Variants in FHIT observed in about 807,000 individuals in gnomAD.
The protein encoded by FHIT is bis(5'-adenosyl)-triphosphatase.
A neutral mutation model predicts 17.9 loss-of-function variants in FHIT; 19 were observed. The ratio of observed to expected loss-of-function variants is 1.06; its 90% CI spans 0.74 to 1.56. FHIT has a LOEUF of 1.56. Among genes scored for constraint, FHIT ranks in the 40% most tolerant of loss-of-function variants. FHIT has a pLI of 0.00. For synonymous variants in FHIT, 81 were observed against 69.7 expected (o/e 1.16, Z -0.81); for missense variants, 248 against 189.2 (o/e 1.31, Z -1.82).
chr3:60,659,231 A>ACTGTGTC (rs2040186135), intron 4 of FHIT, among the ~76,000 whole-genome samples: 3 of 152,036 alleles, frequency 2.0e-5, no homozygotes, highest in South Asian at 4.1e-4. Context: ...GTTTGAGTAT[A>ACTGTGTC]CTGTGTCTTG....
At chr3:60,831,874 G>T (rs1011173002) in intron 3 of FHIT, among the ~76,000 whole-genome samples, 2 of 151,996 alleles carry the variant, frequency 1.3e-5, no homozygotes, top group Admixed American at 1.3e-4. Flanking sequence ...GATCTAAAAG[G>T]CTTCTTTCAG....
intron 4 of FHIT, among the ~76,000 whole-genome samples, chr3:60,772,266 G>C (rs1700070207): frequency 1.4e-5 from 2 of 142,276 alleles, no homozygotes; most frequent in Non-Finnish European, 3.1e-5. Flanking sequence ...CACTGAGATA[G>C]AAATGAAACA....
chr3:60,046,552 G>A (rs1281443105), intron 5 of FHIT, among the ~76,000 whole-genome samples: 5 of 152,170 alleles, frequency 3.3e-5, no homozygotes. Flanking sequence ...ACTAGGACTT[G>A]TTCACAAATT....
At chr3:60,544,510 A>C (rs1247488401) in intron 4 of FHIT, among the ~76,000 whole-genome samples, 2 of 151,970 alleles carry the variant, frequency 1.3e-5, no homozygotes, top group Non-Finnish European at 2.9e-5. Context: ...CTCCGTCACA[A>C]GGTATTATTT....
intron 5 of FHIT, among the ~76,000 whole-genome samples, chr3:60,478,232 C>A (rs73100273): frequency 0.18 from 27,181 of 152,104 alleles, 2,810 homozygotes; most frequent in Admixed American, 0.29. Flanking sequence ...GAAGTTCACA[C>A]AGCTACCAAA....
chr3:59,806,365 T>C (rs1369215173), intron 8 of FHIT, among the ~76,000 whole-genome samples: 1 of 152,112 alleles, frequency 6.6e-6, no homozygotes. Flanking sequence ...AACACTTGAC[T>C]ATGGCCACAA....
chr3:61,229,708 A>C (rs1238850257), intron 1 of FHIT, among the ~76,000 whole-genome samples: 1 of 152,194 alleles, frequency 6.6e-6, no homozygotes, highest in African/African-American at 2.4e-5. Flanking sequence ...TTTTCAGTAC[A>C]TAATAGTGTT....
intron 5 of FHIT, among the ~76,000 whole-genome samples, chr3:60,123,989 T>TAGAGAGAGAGAG (rs1705389471): frequency 2.0e-5 from 1 of 50,152 alleles, no homozygotes; most frequent in Non-Finnish European, 3.9e-5. Context: ...TATATATATA[T>TAGAGAGAGAGAG]ATATATATAT....
intron 3 of FHIT, among the ~76,000 whole-genome samples, chr3:60,851,491 A>G (rs1703152764): frequency 1.3e-5 from 2 of 152,186 alleles, no homozygotes; most frequent in African/African-American, 4.8e-5. Flanking sequence ...TAAGAGGCAT[A>G]TATTCATTGA....
intron 5 of FHIT, among the ~76,000 whole-genome samples, chr3:60,058,145 T>G (rs928829021): frequency 5.1e-5 from 7 of 137,518 alleles, no homozygotes; most frequent in Non-Finnish European, 1.1e-4. Flanking sequence ...TTTTTTTTTT[T>G]TTTTTTTTTT....
At chr3:59,776,396 A>C (rs915237847) in intron 8 of FHIT, among the ~76,000 whole-genome samples, 2 of 152,218 alleles carry the variant, frequency 1.3e-5, no homozygotes, top group Non-Finnish European at 2.9e-5. Flanking sequence ...CAAAAACAAA[A>C]AGTGGCAAGA....
chr3:60,581,950 G>C (rs575450184), intron 4 of FHIT, among the ~76,000 whole-genome samples: 1 of 152,132 alleles, frequency 6.6e-6, no homozygotes, highest in East Asian at 1.9e-4. Context: ...AGTGGATGCT[G>C]CACCGATGCA....
intron 3 of FHIT, among the ~76,000 whole-genome samples, chr3:60,969,906 C>T (rs1396776108): frequency 1.3e-5 from 2 of 152,084 alleles, no homozygotes; most frequent in Non-Finnish European, 2.9e-5. Flanking sequence ...CCTCTATTGC[C>T]CAGGCTGGAG....
intron 1 of FHIT, among the ~76,000 whole-genome samples, chr3:61,237,770 T>G (rs903919483): frequency 2.6e-5 from 4 of 152,166 alleles, no homozygotes; most frequent in African/African-American, 9.7e-5. Flanking sequence ...ATCATCTCCA[T>G]TTTACAGGAA....
At chr3:60,384,949 T>C (rs775219701) in intron 5 of FHIT, among the ~76,000 whole-genome samples, 18 of 152,196 alleles carry the variant, frequency 1.2e-4, no homozygotes, top group Non-Finnish European at 2.2e-4. Context: ...TTTTAAAATA[T>C]GTTCATTTTG....
chr3:60,888,351 G>A (rs922145508), intron 3 of FHIT, among the ~76,000 whole-genome samples: 3 of 152,194 alleles, frequency 2.0e-5, no homozygotes, highest in Non-Finnish European at 4.4e-5. Context: ...ACAAGGGAAA[G>A]CCGCTACACA....
chr3:60,918,730 G>A (rs1490004862), intron 3 of FHIT, among the ~76,000 whole-genome samples: 1 of 152,094 alleles, frequency 6.6e-6, no homozygotes, highest in African/African-American at 2.4e-5. Flanking sequence ...GTGTTACATG[G>A]TCCACTGACA....
chr3:60,641,314 A>G (rs961552321), intron 4 of FHIT, among the ~76,000 whole-genome samples: 10 of 152,370 alleles, frequency 6.6e-5, no homozygotes, highest in African/African-American at 2.4e-4. Flanking sequence ...ATTTTTACAA[A>G]GTAAAAATAC....
intron 2 of FHIT, among the ~76,000 whole-genome samples, chr3:61,134,842 C>G (rs2036867994): frequency 6.6e-6 from 1 of 152,278 alleles, no homozygotes; most frequent in East Asian, 1.9e-4. Flanking sequence ...AACTGTTCAC[C>G]TGAATCGCAA....
Sources: allele counts gnomAD v4.1 joint callset (sites outside exome capture counted in the v4.1 genomes callset), GRCh38; gene constraint gnomAD v4.1.1; transcripts MANE v1.5; gene names NCBI Gene and HGNC (gene_info 2026-07-23, HGNC 2026-07-21).